NRG3: variants seen among roughly 807,000 people sequenced by gnomAD.
The protein encoded by NRG3 is neuregulin 3, also known as pro-neuregulin-3, membrane-bound isoform.
A neutral mutation model predicts 66.9 loss-of-function variants in NRG3; 31 were observed. The observed-to-expected ratio is 0.46, with a 90% CI of 0.35 to 0.63. The LOEUF is 0.63. Among genes scored for constraint, NRG3 ranks in the 20% least tolerant of loss-of-function variants. The probability of loss-of-function intolerance (pLI) is 0.00; values close to 1 mark genes in which losing one functional copy is unlikely to be tolerated. For missense variants in NRG3, 910 were observed against 878.9 expected (o/e 1.04, Z -0.45); for synonymous variants, 393 against 359.4 (o/e 1.09, Z -1.06).
At chr10:82,926,220 G>A (rs2132113534) in intron 4 of NRG3, among the ~76,000 whole-genome samples, 1 of 152,276 alleles carries the variant, frequency 6.6e-6, no homozygotes, top group East Asian at 1.9e-4. Flanking sequence ...CATTGTATTA[G>A]GTATTATAAG....
intron 1 of NRG3, among the ~76,000 whole-genome samples, chr10:82,140,701 G>A (rs1414507546): frequency 1.3e-5 from 2 of 151,946 alleles, no homozygotes; most frequent in African/African-American, 4.8e-5. Context: ...TTTCACTCCA[G>A]CCTGGGCAAC....
Position 82,542,305 on chromosome 10 carries a change from A to G in NRG3, c.953+183437A>G, listed in dbSNP as rs569283639. On this transcript the variant is annotated intron_variant, in intron 2 of 8. Coordinates refer to ENST00000372141, the MANE Select transcript of NRG3 (RefSeq NM_001010848.4). Reference sequence around the variant, plus strand: ...CCTGGGCAGGGAAAATTCAAGATGTAGTTGGAACATTTTATTTTGTCAAAA... The same window carrying G: ...CCTGGGCAGGGAAAATTCAAGATGTGGTTGGAACATTTTATTTTGTCAAAA... 8.6e-4 allele frequency among the ~76,000 whole-genome samples: 131 copies of G among 152,232 alleles called. 1 individual carries two copies. Among genetic ancestry groups the G allele is most frequent in the Non-Finnish European group, 2.4e-4 (16 of 68,050 alleles).
chr10:82,232,656 A>G (rs1414384868), intron 1 of NRG3: 9 of 670,148 alleles, frequency 1.3e-5, no homozygotes, highest in Non-Finnish European at 2.5e-5. Context: ...TTTGTTTTGT[A>G]TACATTTATG....
intron 4 of NRG3, among the ~76,000 whole-genome samples, chr10:82,916,513 C>G (rs1418286110): frequency 6.6e-6 from 1 of 152,152 alleles, no homozygotes; most frequent in Admixed American, 6.5e-5. Context: ...TAGCAAAGTT[C>G]CAGTATACCT....
intron 2 of NRG3, among the ~76,000 whole-genome samples, chr10:82,526,648 A>C (rs1846735605): frequency 6.6e-6 from 1 of 152,020 alleles, no homozygotes; most frequent in African/African-American, 2.4e-5. Flanking sequence ...GGTGATAAAG[A>C]GGTTCATTTT....
At chr10:82,381,844 G>C (rs911878763) in intron 2 of NRG3, among the ~76,000 whole-genome samples, 4 of 152,074 alleles carry the variant, frequency 2.6e-5, no homozygotes, top group African/African-American at 9.7e-5. Flanking sequence ...AATGCAGCAA[G>C]GCCACTACTG....
intron 1 of NRG3, among the ~76,000 whole-genome samples, chr10:82,132,516 G>GATATATATCAT (rs1318095947): frequency 1.7e-4 from 2 of 11,842 alleles, no homozygotes; most frequent in Non-Finnish European, 4.0e-4. Context: ...ATATATATAT[G>GATATATATCAT]ATATATATGA....
intron 1 of NRG3, among the ~76,000 whole-genome samples, chr10:82,256,725 A>G (rs2134158591): frequency 6.6e-6 from 1 of 152,328 alleles, no homozygotes; most frequent in Middle Eastern, 3.4e-3. Context: ...CAAAATAAGG[A>G]TATTCTCCAG....
intron 2 of NRG3, among the ~76,000 whole-genome samples, chr10:82,649,499 C>T (rs2051240777): frequency 9.4e-6 from 1 of 106,702 alleles, no homozygotes; most frequent in Admixed American, 1.5e-4. Flanking sequence ...GAGACAGAGT[C>T]TTGCTCTGTG....
intron 2 of NRG3, among the ~76,000 whole-genome samples, chr10:82,613,674 T>TTTTTA (rs763717553): frequency 6.6e-6 from 1 of 151,814 alleles, no homozygotes; most frequent in Non-Finnish European, 1.5e-5. Context: ...GTGCCATTTA[T>TTTTTA]TTTTATTTTA....
chr10:81,897,198 A>C (rs1843607413), intron 1 of NRG3, among the ~76,000 whole-genome samples: 1 of 152,122 alleles, frequency 6.6e-6, no homozygotes, highest in South Asian at 2.1e-4. Context: ...CATGCTAAGG[A>C]GTGGTAGGAA....
intron 4 of NRG3, among the ~76,000 whole-genome samples, chr10:82,926,870 C>G (rs1378785574): frequency 6.6e-6 from 1 of 152,212 alleles, no homozygotes; most frequent in African/African-American, 2.4e-5. Flanking sequence ...TTGGATTGGA[C>G]ATCCATTGAA....
At chr10:82,244,569 A>G (rs565075582) in intron 1 of NRG3, among the ~76,000 whole-genome samples, 1 of 152,248 alleles carries the variant, frequency 6.6e-6, no homozygotes, top group South Asian at 2.1e-4. Context: ...TCTCAAAAAT[A>G]TTTTGCTTTA....
chr10:82,942,509 A>T (rs778196162), intron 4 of NRG3, among the ~76,000 whole-genome samples: 6 of 152,360 alleles, frequency 3.9e-5, no homozygotes, highest in South Asian at 2.1e-4. Flanking sequence ...GTCTCCAAGG[A>T]CAAAGAGCAC....
chr10:82,228,667 C>T (rs78550424), intron 1 of NRG3, among the ~76,000 whole-genome samples: 4,260 of 152,250 alleles, frequency 0.028, 86 homozygotes, highest in Middle Eastern at 0.068. Context: ...AATGATGATA[C>T]AGCCCCCTTT....
chr10:82,776,118 T>C (rs2059905127), intron 3 of NRG3, among the ~76,000 whole-genome samples: 1 of 152,236 alleles, frequency 6.6e-6, no homozygotes, highest in African/African-American at 2.4e-5. Flanking sequence ...GCAGTTCTAT[T>C]GGTGATACAT....
chr10:81,957,573 T>C (rs1849962893), intron 1 of NRG3, among the ~76,000 whole-genome samples: 1 of 152,252 alleles, frequency 6.6e-6, no homozygotes, highest in Non-Finnish European at 1.5e-5. Flanking sequence ...ATGAATACTT[T>C]GTAATAGCAG....
intron 2 of NRG3, among the ~76,000 whole-genome samples, chr10:82,737,441 G>T (rs1329058760): frequency 6.6e-6 from 1 of 152,148 alleles, no homozygotes; most frequent in Non-Finnish European, 1.5e-5. Flanking sequence ...AAGAACTCAC[G>T]ACGCATGGTT....
chr10:81,903,168 CT>C (rs974862158), intron 1 of NRG3, among the ~76,000 whole-genome samples: 4 of 152,110 alleles, frequency 2.6e-5, no homozygotes, highest in African/African-American at 4.8e-5. Flanking sequence ...TCAAAAGATG[CT>C]TGTACTACAT....
Sources: allele counts gnomAD v4.1 joint callset (sites outside exome capture counted in the v4.1 genomes callset), GRCh38; gene constraint gnomAD v4.1.1; transcripts MANE v1.5; gene names NCBI Gene and HGNC (gene_info 2026-07-23, HGNC 2026-07-21).